The following MYO3B variants were observed in gnomAD, a reference collection of about 807,000 sequenced individuals.
MYO3B encodes the protein myosin-IIIb.
In MYO3B, 156 loss-of-function variants were observed where a neutral mutation model predicts 174.6. The observed-to-expected ratio is 0.89, with a 90% confidence interval of 0.78 to 1.02. MYO3B has a LOEUF of 1.02. Among genes scored for constraint, MYO3B ranks in the 50% least tolerant of loss-of-function variants. MYO3B has a pLI of 0.00. For synonymous variants in MYO3B, 563 were observed against 569.1 expected (o/e 0.99, Z 0.15); for missense variants, 1,632 against 1,639.4 (o/e 1.00, Z 0.08).
rs750028664 is a variant in MYO3B at position 170,543,926 on chromosome 2, G to A, written c.3671G>A (p.Arg1224Gln). 3.0e-5 allele frequency: 49 copies of A among 1,612,900 alleles called. No individual in the cohort carries two copies. The highest frequency in any genetic ancestry group is 9.9e-5 in the South Asian group (9 of 91,006). Residue 1224 changes from arginine (R) to glutamine (Q), a missense_variant, in exon 32 of 35, where the codon CGG becomes CAG. Coordinates refer to ENST00000408978, the MANE Select transcript of MYO3B (RefSeq NM_138995.5). ...TCTGGGACTGATTTGCTGTCTTCTC[G>A]GATATGCCATCCTGCTCCAGATCAG... ...SVSGTDLLSS[R>Q]ICHPAPDQQG... is the part of the protein sequence containing the mutation.
chr2:170,596,822 A>C (rs1217902289), intron 32 of MYO3B, among the ~76,000 whole-genome samples: 1 of 152,214 alleles, frequency 6.6e-6, no homozygotes, highest in Admixed American at 6.5e-5. Flanking sequence ...GTCACCAGCC[A>C]CAGGCCTGTA....
chr2:170,607,890 T>C (rs868239725), intron 32 of MYO3B, among the ~76,000 whole-genome samples: 2 of 152,226 alleles, frequency 1.3e-5, no homozygotes, highest in Admixed American at 6.5e-5. Flanking sequence ...AATCAGGAAT[T>C]CTAAAGTATA....
intron 7 of MYO3B, among the ~76,000 whole-genome samples, chr2:170,320,666 A>G (rs7601002): frequency 0.86 from 129,898 of 151,744 alleles, 56,963 homozygotes; most frequent in Non-Finnish European, 0.95. Flanking sequence ...TATGTATGTC[A>G]TATGTAAATA....
At chr2:170,432,743 A>G (rs2094721324) in intron 22 of MYO3B, among the ~76,000 whole-genome samples, 1 of 151,884 alleles carries the variant, frequency 6.6e-6, no homozygotes, top group African/African-American at 2.4e-5. Flanking sequence ...TGCCCGGCTA[A>G]TTTTTGTATT....
chr2:170,281,429 C>A (rs950726556), intron 7 of MYO3B, among the ~76,000 whole-genome samples: 11 of 152,128 alleles, frequency 7.2e-5, no homozygotes, highest in African/African-American at 2.7e-4. Context: ...TCTTGGACCA[C>A]AGTGCAATAA....
intron 7 of MYO3B, among the ~76,000 whole-genome samples, chr2:170,269,119 C>A (rs1167486056): frequency 6.6e-5 from 10 of 152,168 alleles, no homozygotes. Context: ...ACCTTACAGG[C>A]TGCCTCTTAA....
At chr2:170,372,386 C>T (rs1365677261) in intron 9 of MYO3B, among the ~76,000 whole-genome samples, 1 of 152,136 alleles carries the variant, frequency 6.6e-6, no homozygotes, top group Non-Finnish European at 1.5e-5. Context: ...CTTTTTAACA[C>T]TAACTACCTC....
At chr2:170,318,077 C>T (rs2093788247) in intron 7 of MYO3B, among the ~76,000 whole-genome samples, 1 of 152,164 alleles carries the variant, frequency 6.6e-6, no homozygotes, top group Admixed American at 6.5e-5. Context: ...GTAATCATGC[C>T]ACCTTACCTA....
At chr2:170,492,418 C>T (rs941890220) in intron 25 of MYO3B, among the ~76,000 whole-genome samples, 9 of 152,124 alleles carry the variant, frequency 5.9e-5, no homozygotes, top group South Asian at 2.1e-4. Context: ...TGGTAGCTCT[C>T]GACATGTGGT....
At chr2:170,561,852 A>T (rs530099932) in intron 32 of MYO3B, among the ~76,000 whole-genome samples, 1 of 152,204 alleles carries the variant, frequency 6.6e-6, no homozygotes, top group African/African-American at 2.4e-5. Flanking sequence ...TGTACACGCA[A>T]TACATAAAAA....
At chr2:170,633,740 CTTAAGCTAA>C (rs1697227483) in intron 32 of MYO3B, among the ~76,000 whole-genome samples, 1 of 152,226 alleles carries the variant, frequency 6.6e-6, no homozygotes, top group Admixed American at 6.5e-5. Flanking sequence ...CCAAAATCTC[CTTAAGCTAA>C]TAAGGAACTT....
At chr2:170,370,634 CACACACACACA>C (rs2094235043) in intron 9 of MYO3B, among the ~76,000 whole-genome samples, 2 of 59,450 alleles carry the variant, frequency 3.4e-5, no homozygotes, top group African/African-American at 2.7e-4. Context: ...TACACACACA[CACACACACACA>C]CACACACACA....
intron 25 of MYO3B, among the ~76,000 whole-genome samples, chr2:170,487,853 A>T (rs1038921413): frequency 6.6e-6 from 1 of 152,232 alleles, no homozygotes; most frequent in Admixed American, 6.5e-5. Flanking sequence ...GCAAATAAAA[A>T]ATGTAGGCCA....
At chr2:170,608,925 C>T (rs1575240912) in intron 32 of MYO3B, among the ~76,000 whole-genome samples, 2 of 152,190 alleles carry the variant, frequency 1.3e-5, no homozygotes, top group African/African-American at 2.4e-5. Context: ...GATATATTAG[C>T]GCTTGAGAAC....
At chr2:170,386,806 T>C (rs577435960) in intron 13 of MYO3B, among the ~76,000 whole-genome samples, 26 of 152,350 alleles carry the variant, frequency 1.7e-4, no homozygotes, top group African/African-American at 6.3e-4. Context: ...CCAGAAAAGT[T>C]ACGGGATCTA....
At chr2:170,180,194 C>G (rs2092380490) in intron 1 of MYO3B, 3 of 442,820 alleles carry the variant, frequency 6.8e-6, no homozygotes, top group African/African-American at 6.0e-5. Context: ...AAGGCTGTAC[C>G]TCCGTTAGGG....
At chr2:170,315,201 A>G (rs1021533005) in intron 7 of MYO3B, among the ~76,000 whole-genome samples, 1 of 152,230 alleles carries the variant, frequency 6.6e-6, no homozygotes, top group African/African-American at 2.4e-5. Flanking sequence ...ATGATTCCTG[A>G]GAGTCTGCAT....
At position 170,332,524 on chromosome 2, in the gene MYO3B, G is replaced by A. The variant is rs116798019; in HGVS notation, c.750-2861G>A. ...AATTTATATTGCCAGTCCAAACAAA[G>A]TATTGCGAAGTCTTCAAATTCATTG... On this transcript the variant is annotated intron_variant, in intron 7 of 34. Transcript: ENST00000408978. Among the ~76,000 whole-genome samples, 1,151 of 152,272 alleles carry A rather than the reference G, an allele frequency of 7.6e-3. 15 individuals are homozygous for A. Among genetic ancestry groups the A allele is most frequent in the African/African-American group, 0.025 (1,058 of 41,546 alleles).
At chr2:170,286,004 T>A (rs2093553869) in intron 7 of MYO3B, among the ~76,000 whole-genome samples, 2 of 152,212 alleles carry the variant, frequency 1.3e-5, no homozygotes, top group Admixed American at 1.3e-4. Context: ...TATATCTAGA[T>A]CCCACCTATA....
Sources: gnomAD v4.1 joint callset for allele counts (sites outside exome capture counted in the v4.1 genomes callset) on GRCh38, gnomAD v4.1.1 for gene constraint, MANE v1.5 for transcripts, NCBI Gene and HGNC (gene_info 2026-07-23, HGNC 2026-07-21) for gene names.